The following DTNBP1 variants were observed in gnomAD, a reference collection of about 807,000 sequenced individuals.
DTNBP1 encodes the protein dysbindin.
Under a neutral mutation model 42.8 loss-of-function variants are expected in DTNBP1, and 35 were observed. The observed-to-expected ratio is 0.82, with a 90% CI of 0.63 to 1.09. The LOEUF (loss-of-function observed/expected upper bound fraction) is 1.09. DTNBP1 is among the 50% of genes least tolerant of loss of function. The pLI is 0.00. For missense variants in DTNBP1, 457 were observed against 424.2 expected (o/e 1.08, Z -0.68); for synonymous variants, 171 against 162.2 (o/e 1.05, Z -0.41).
At chr6:15,554,073 G>T (rs1484512877) in intron 7 of DTNBP1, among the ~76,000 whole-genome samples, 5 of 152,040 alleles carry the variant, frequency 3.3e-5, no homozygotes, top group Admixed American at 6.5e-5. Flanking sequence ...GTTCCCCCCA[G>T]TTGACTGCTA....
At chr6:15,535,577 A>C (rs1425590533) in intron 7 of DTNBP1, among the ~76,000 whole-genome samples, 1 of 152,186 alleles carries the variant, frequency 6.6e-6, no homozygotes, top group Non-Finnish European at 1.5e-5. Context: ...TCGGCCTCCC[A>C]AAGTGCTGGA....
intron 7 of DTNBP1, among the ~76,000 whole-genome samples, chr6:15,578,582 C>G (rs1052820272): frequency 6.6e-6 from 1 of 152,076 alleles, no homozygotes; most frequent in African/African-American, 2.4e-5. Context: ...AAATTAATGA[C>G]TTATATGGCA....
At chr6:15,538,407 G>T (rs1252940684) in intron 7 of DTNBP1, among the ~76,000 whole-genome samples, 1 of 152,176 alleles carries the variant, frequency 6.6e-6, no homozygotes, top group Non-Finnish European at 1.5e-5. Context: ...CTCTGGCAAT[G>T]ACCTGAAGGG....
In DTNBP1 at chr6:15,615,403, A is replaced by G. The variant is rs776445833; in HGVS notation, c.356-4T>C. 3 of 1,613,890 alleles carry G rather than the reference A, an allele frequency of 1.9e-6. No homozygotes were observed. Among genetic ancestry groups the G allele is most frequent in the Admixed American group, 1.7e-5 (1 of 60,022 alleles). On this transcript the variant is annotated splice_polypyrimidine_tract_variant and splice_region_variant and intron_variant, in intron 5 of 9. Transcript: ENST00000344537. ...TCAAAACTCGCCTCTAAATGAGCTG[A>G]AAGTATATAAAAATAAACAGACCTC...
intron 9 of DTNBP1, chr6:15,523,652 T>G (rs57459363): frequency 1.6e-6 from 2 of 1,287,398 alleles, no homozygotes. Flanking sequence ...TCCAATTTTA[T>G]GGAACTAAAT....
Position 15,587,263 on chromosome 6 carries a change from T to C in DTNBP1, c.511+5796A>G, listed in dbSNP as rs1308790598. On this transcript the variant is annotated intron_variant, in intron 7 of 9. Transcript: ENST00000344537. The surrounding 1 kb of genome is among the most constrained non-coding windows in gnomAD (Gnocchi z 4.1). Reference sequence around the variant, plus strand: ...AAACTGAAGATGGCTTAAACAAACATGGATACATTCCATGTTCATGGATTG... The same window carrying C: ...AAACTGAAGATGGCTTAAACAAACACGGATACATTCCATGTTCATGGATTG... Among the ~76,000 whole-genome samples, 1 of 152,198 alleles carries C rather than the reference T, an allele frequency of 6.6e-6. No homozygotes were observed. Among genetic ancestry groups the C allele is most frequent in the Non-Finnish European group, 1.5e-5 (1 of 68,028 alleles).
chr6:15,552,456 C>A (rs906832816), intron 7 of DTNBP1, among the ~76,000 whole-genome samples: 2 of 152,142 alleles, frequency 1.3e-5, no homozygotes, highest in Non-Finnish European at 2.9e-5. Flanking sequence ...TTTAACACAT[C>A]CAAGATATTA....
At chr6:15,523,845 G>A in intron 9 of DTNBP1, 1 of 1,287,200 alleles carries the variant, frequency 7.8e-7, no homozygotes, top group Non-Finnish European at 1.0e-6. Flanking sequence ...AGGAGAAGCG[G>A]GTGAGAAGTT....
At chr6:15,655,491 A>G (rs1412660583) in intron 1 of DTNBP1, among the ~76,000 whole-genome samples, 3 of 152,212 alleles carry the variant, frequency 2.0e-5, no homozygotes, top group African/African-American at 7.2e-5. Flanking sequence ...TTCTTCTCCA[A>G]ATAAATGGCC....
intron 8 of DTNBP1, 137 bp downstream of exon 8, chr6:15,533,103 C>T (rs1439799626): frequency 7.4e-7 from 1 of 1,349,936 alleles, no homozygotes; most frequent in Non-Finnish European, 1.0e-6. Context: ...CCGACGCACA[C>T]ATTTTGGTTG....
Position 15,598,055 on chromosome 6 carries a change from C to A in DTNBP1, c.489-4974G>T, listed in dbSNP as rs1466313389. ...AATGCCTTTACAAAATTTAGCATAACCCTAAAACTAAAACATTCAAAAAAT... is the reference window on the plus strand; with the variant it reads ...AATGCCTTTACAAAATTTAGCATAAACCTAAAACTAAAACATTCAAAAAAT... On this transcript the variant is annotated intron_variant, in intron 6 of 9. Transcript: ENST00000344537. Among the ~76,000 whole-genome samples the A allele has an allele frequency of 3.3e-5, 5 of 152,024 alleles. No homozygotes were observed. In the East Asian group the frequency reaches 9.6e-4, roughly 29 times the overall value.
intron 7 of DTNBP1, among the ~76,000 whole-genome samples, chr6:15,563,253 C>A (rs903706962): frequency 2.0e-5 from 3 of 152,198 alleles, no homozygotes; most frequent in African/African-American, 7.2e-5. Context: ...CACAATACCT[C>A]ATTTGAAACT....
At chr6:15,545,664 G>T (rs1773827635) in intron 7 of DTNBP1, among the ~76,000 whole-genome samples, 1 of 152,166 alleles carries the variant, frequency 6.6e-6, no homozygotes, top group Non-Finnish European at 1.5e-5. Flanking sequence ...TACTGAGTTG[G>T]TCACAAAATT....
Position 15,523,019 on chromosome 6 carries a change from CAGTG to C in DTNBP1, c.1008_1011del (p.His336GlnfsTer48). Reference sequence around the variant, plus strand: ...CCACCATCCGGAGTGGCCTCTCTGTCAGTGTGTGATGTGGCCAGGGCAGTGTCCA... The same window carrying C: ...CCACCATCCGGAGTGGCCTCTCTGTCTGTGATGTGGCCAGGGCAGTGTCCA... On this transcript the variant is annotated frameshift_variant, in exon 10 of 10. Transcript: ENST00000344537. LOFTEE classifies it high-confidence loss of function. 6.2e-7 allele frequency: 1 copy of C among 1,614,220 alleles called. No individual in the cohort carries two copies. The highest frequency in any genetic ancestry group is 8.5e-7 in the Non-Finnish European group (1 of 1,180,046).
In DTNBP1 at chr6:15,635,030, C is replaced by G. The variant is rs561747399; in HGVS notation, c.222+2714G>C. ...TTGCTTTTACTCTAATTCTTGACAA[C>G]AGTTTGAAAAGTCTGCTGTGGAACT... On this transcript the variant is annotated intron_variant, in intron 4 of 9. Transcript: ENST00000344537. Among the ~76,000 whole-genome samples the G allele has an allele frequency of 4.6e-5, 7 of 152,284 alleles. No individual in the cohort carries two copies. In the South Asian group the frequency reaches 1.5e-3, roughly 32 times the overall value.
intron 7 of DTNBP1, among the ~76,000 whole-genome samples, chr6:15,534,606 G>A (rs952601134): frequency 6.3e-5 from 9 of 142,486 alleles, no homozygotes; most frequent in Non-Finnish European, 9.0e-5. Flanking sequence ...GTTGCAGTGA[G>A]CCAAGATCTT....
At chr6:15,607,547 C>T (rs1474419773) in intron 6 of DTNBP1, among the ~76,000 whole-genome samples, 4 of 152,264 alleles carry the variant, frequency 2.6e-5, no homozygotes, top group African/African-American at 7.2e-5. Context: ...CATGATCTGC[C>T]CGCCTCAGCC....
At chr6:15,640,124 A>G (rs1330550539) in intron 3 of DTNBP1, among the ~76,000 whole-genome samples, 7 of 152,222 alleles carry the variant, frequency 4.6e-5, no homozygotes, top group African/African-American at 1.7e-4. Context: ...GACATGAAGC[A>G]GTTTGGAGAA....
intron 1 of DTNBP1, among the ~76,000 whole-genome samples, chr6:15,657,371 T>G (rs1322585510): frequency 6.6e-6 from 1 of 152,136 alleles, no homozygotes; most frequent in African/African-American, 2.4e-5. Flanking sequence ...CAAATTCACA[T>G]TCTCAATTTC....
Sources: allele counts gnomAD v4.1 joint callset (sites outside exome capture counted in the v4.1 genomes callset), GRCh38; gene constraint gnomAD v4.1.1; non-coding constraint Gnocchi (gnomAD v3.1); transcripts MANE v1.5; gene names NCBI Gene and HGNC (gene_info 2026-07-23, HGNC 2026-07-21).